Variants in IL1RAP observed in about 807,000 individuals in gnomAD.
IL1RAP encodes interleukin-1 receptor accessory protein.
In IL1RAP, 35 loss-of-function variants were observed where a neutral mutation model predicts 60.7. That is an observed-to-expected ratio of 0.58 (90% CI 0.44 to 0.76). The LOEUF is 0.76. IL1RAP is among the 30% of genes least tolerant of loss of function. The pLI, the probability that IL1RAP is intolerant of heterozygous loss-of-function variation, is 0.00. For missense variants in IL1RAP, 572 were observed against 693.9 expected, an observed-to-expected ratio of 0.82 and a Z score of 1.97; for synonymous variants, 268 against 250.9, an observed-to-expected ratio of 1.07 and a Z score of -0.64.
exon 12 of IL1RAP, chr3:190,656,618 T>C (rs1212260694): frequency 6.9e-7 from 1 of 1,441,602 alleles, no homozygotes. Context: ...TTACTGTGTG[T>C]GGTGGGTGGT....
chr3:190,515,973 A>G (rs923900259), intron 1 of IL1RAP, among the ~76,000 whole-genome samples: 9 of 152,112 alleles, frequency 5.9e-5, no homozygotes, highest in African/African-American at 2.2e-4. Context: ...TGGTATTTTA[A>G]AGTTAAATGG....
At chr3:190,515,257 A>AG (rs1370086700) in intron 1 of IL1RAP, among the ~76,000 whole-genome samples, 1 of 149,972 alleles carries the variant, frequency 6.7e-6, no homozygotes, top group East Asian at 2.0e-4. Context: ...CAGCCAAAAA[A>AG]TGGAGATTTA....
rs1726925138 is a variant in IL1RAP at position 190,571,536 on chromosome 3, A to G, written c.64+7183A>G. Among the ~76,000 whole-genome samples, 4 of 152,250 alleles carry G rather than the reference A, an allele frequency of 2.6e-5. No individual in the cohort carries two copies. The South Asian group carries it at 6.2e-4, about 24-fold the overall frequency. On this transcript the variant is annotated intron_variant, in intron 3 of 11. Transcript: ENST00000447382. ...GTCTCTCTCTTTCTCAAAAAAAAGT[A>G]CAACTATAGTTGAAATATAGACCTT...
intron 2 of IL1RAP, among the ~76,000 whole-genome samples, chr3:190,561,784 A>G (rs1200974377): frequency 1.3e-5 from 2 of 152,318 alleles, no homozygotes; most frequent in East Asian, 3.9e-4. Flanking sequence ...TTGGATGAAG[A>G]TATAGGTTGC....
At chr3:190,530,246 C>T (rs1577514139) in intron 1 of IL1RAP, among the ~76,000 whole-genome samples, 2 of 152,164 alleles carry the variant, frequency 1.3e-5, no homozygotes, top group South Asian at 4.2e-4. Context: ...TTTTGGGGAC[C>T]TTAAATGCTC....
intron 4 of IL1RAP, among the ~76,000 whole-genome samples, chr3:190,606,459 C>T (rs377281297): frequency 1.1e-4 from 17 of 152,324 alleles, no homozygotes; most frequent in South Asian, 6.2e-4. Context: ...CATTTCCCAA[C>T]GGGAAGAAGT....
At chr3:190,629,256 G>A (rs746695778) in intron 8 of IL1RAP, 94 bp from the exon 9 acceptor site, 2 of 820,262 alleles carry the variant, frequency 2.4e-6, no homozygotes, top group Non-Finnish European at 3.8e-6. Context: ...CACCTGTAGT[G>A]GGGGTCTGTG....
chr3:190,622,470 AC>A (rs1731861541), intron 6 of IL1RAP, among the ~76,000 whole-genome samples: 1 of 151,564 alleles, frequency 6.6e-6, no homozygotes, highest in African/African-American at 2.4e-5. Context: ...AGACTGCCCC[AC>A]CCCCTACTTT....
At chr3:190,656,830 C>T in exon 12 of IL1RAP, 1 of 436,560 alleles carries the variant, frequency 2.3e-6, no homozygotes, top group Non-Finnish European at 4.0e-6. Context: ...TTCTTGGGCC[C>T]TAGAAGGTCA....
At position 190,622,894 on chromosome 3, in the gene IL1RAP, T is replaced by TTAATC. The variant is rs1197027318; in HGVS notation, c.704-449_704-445dup. 3.3e-5 allele frequency among the ~76,000 whole-genome samples: 5 copies of TTAATC among 152,284 alleles called. No individual in the cohort carries two copies. In the East Asian group the frequency reaches 7.7e-4, roughly 24 times the overall value. On this transcript the variant is annotated intron_variant, in intron 6 of 11. Transcript: ENST00000447382. Reference sequence around the variant, plus strand: ...GATGGGTGAGAGGCTGGAGATTGTGTTAATCATCTATGGTCTTTCTGGCTA... The same window carrying TTAATC: ...GATGGGTGAGAGGCTGGAGATTGTGTTAATCTAATCATCTATGGTCTTTCTGGCTA...
At chr3:190,648,245 G>T in intron 11 of IL1RAP, 93 bp from the exon 12 acceptor site, 2 of 1,473,608 alleles carry the variant, frequency 1.4e-6, no homozygotes, top group Non-Finnish European at 1.8e-6. Context: ...TCTTAGGCTG[G>T]TACCCTAAGT....
At chr3:190,598,803 C>T (rs1729602829) in intron 3 of IL1RAP, among the ~76,000 whole-genome samples, 2 of 152,104 alleles carry the variant, frequency 1.3e-5, no homozygotes, top group Admixed American at 6.6e-5. Flanking sequence ...TGAGGATAAT[C>T]TCACTGAAAC....
chr3:190,605,316 T>A (rs192912454), intron 4 of IL1RAP, among the ~76,000 whole-genome samples: 1 of 151,736 alleles, frequency 6.6e-6, no homozygotes, highest in East Asian at 1.9e-4. Context: ...TTTTTCTGCA[T>A]TAATGTTGTT....
At position 190,521,859 on chromosome 3, in the gene IL1RAP, A is replaced by G. The variant is rs114534747; in HGVS notation, c.-89+7640A>G. 3.8e-3 allele frequency among the ~76,000 whole-genome samples: 576 copies of G among 152,238 alleles called. 2 individuals are homozygous for G. Among genetic ancestry groups the G allele is most frequent in the African/African-American group, 0.013 (548 of 41,532 alleles). On this transcript the variant is annotated intron_variant, in intron 1 of 11. Transcript: ENST00000447382. The stretch of plus-strand genomic sequence containing the variant: ...ATGATAATAGAGCCTTTCTTAAAAA[A>G]AAAGCAAGTTCTGTATCACCGTTAA...
At chr3:190,561,616 G>A (rs1253332408) in intron 2 of IL1RAP, among the ~76,000 whole-genome samples, 1 of 152,146 alleles carries the variant, frequency 6.6e-6, no homozygotes. Context: ...GAGGTATGTG[G>A]GGGTTTTTAA....
chr3:190,627,540 C>T (rs1732415445), intron 8 of IL1RAP, 91 bp downstream of exon 8: 2 of 1,413,954 alleles, frequency 1.4e-6, no homozygotes, highest in Admixed American at 5.6e-5. Context: ...AATAAAAATT[C>T]TCATTTTTCC....
intron 3 of IL1RAP, among the ~76,000 whole-genome samples, chr3:190,579,131 G>A (rs913078049): frequency 6.6e-6 from 1 of 152,154 alleles, no homozygotes; most frequent in Admixed American, 6.5e-5. Flanking sequence ...GTTTTTAAAA[G>A]CTCAGTACTA....
At chr3:190,544,030 AAAG>A (rs761236039) in intron 1 of IL1RAP, among the ~76,000 whole-genome samples, 4 of 152,174 alleles carry the variant, frequency 2.6e-5, no homozygotes, top group Non-Finnish European at 5.9e-5. Context: ...TAGAGAATGG[AAAG>A]AACATTTGCA....
chr3:190,524,802 C>A (rs1191257093), intron 1 of IL1RAP, among the ~76,000 whole-genome samples: 2 of 151,944 alleles, frequency 1.3e-5, no homozygotes, highest in African/African-American at 2.4e-5. Context: ...AGAGATAGAA[C>A]CGGATAAGAC....
Sources: allele counts gnomAD v4.1 joint callset (sites outside exome capture counted in the v4.1 genomes callset), GRCh38; gene constraint gnomAD v4.1.1; transcripts MANE v1.5; gene names NCBI Gene and HGNC (gene_info 2026-07-23, HGNC 2026-07-21).